ZSWIM7: variants seen among roughly 807,000 people sequenced by gnomAD.
The protein encoded by ZSWIM7 is zinc finger SWIM-type containing 7, also known as zinc finger SWIM domain-containing protein 7.
A neutral mutation model predicts 21.1 loss-of-function variants in ZSWIM7; 22 were observed. That is an observed-to-expected ratio of 1.04 (90% confidence interval 0.74 to 1.49). The LOEUF (loss-of-function observed/expected upper bound fraction) is 1.49, where lower values mean the gene tolerates loss of function less well. ZSWIM7 is among the 40% of genes most tolerant of loss of function. The pLI is 0.00. For synonymous variants in ZSWIM7, 67 were observed against 66.5 expected, an observed-to-expected ratio of 1.01 and a Z score of -0.04; for missense variants, 193 against 168.0, an observed-to-expected ratio of 1.15 and a Z score of -0.82.
intron 3 of ZSWIM7, 59 bp from the exon 4 acceptor site, chr17:15,981,203 C>G: frequency 7.8e-7 from 1 of 1,281,718 alleles, no homozygotes; most frequent in Non-Finnish European, 1.1e-6. Context: ...CCACCTCTTT[C>G]CCTTTTTATT....
intron 4 of ZSWIM7, chr17:15,980,463 CATT>C (rs1225243730): frequency 6.6e-6 from 1 of 152,416 alleles, no homozygotes; most frequent in Non-Finnish European, 1.5e-5. Context: ...GAGTGGACAT[CATT>C]ATTTTCTTCT....
chr17:15,980,945 A>T, intron 4 of ZSWIM7, 95 bp downstream of exon 4: 1 of 876,414 alleles, frequency 1.1e-6, no homozygotes, highest in Admixed American at 2.7e-5. Context: ...TCAACATATA[A>T]TAAGATTCCC....
At chr17:15,993,160 G>T (rs1398389776) in intron 2 of ZSWIM7, among the ~76,000 whole-genome samples, 1 of 151,980 alleles carries the variant, frequency 6.6e-6, no homozygotes, top group Non-Finnish European at 1.5e-5. Context: ...TTGCAGGTGT[G>T]AGCCACGGTG....
intron 1 of ZSWIM7, among the ~76,000 whole-genome samples, chr17:15,998,433 G>A (rs1030223707): frequency 6.6e-6 from 1 of 152,140 alleles, no homozygotes; most frequent in Non-Finnish European, 1.5e-5. Context: ...TCAAAATGCA[G>A]TACAGTACTT....
intron 2 of ZSWIM7, among the ~76,000 whole-genome samples, chr17:15,992,486 C>T (rs1970499228): frequency 7.1e-6 from 1 of 140,544 alleles, no homozygotes; most frequent in African/African-American, 2.7e-5. Context: ...ATTGCCCAGG[C>T]TGGAGTGCAA....
chr17:15,999,563 T>A lies in ZSWIM7; in HGVS notation c.32A>T (p.Glu11Val). 1 of 1,590,220 alleles carries A rather than the reference T, an allele frequency of 6.3e-7. No individual in the cohort carries two copies. Among genetic ancestry groups the A allele is most frequent in the Non-Finnish European group, 8.6e-7 (1 of 1,168,166 alleles). ...CGCCGCCGCCATCTCGCTCAGGAGC[T>A]CCTCCACAACCGCCGGCAACACTAC... The part of the protein sequence containing the change: MAVVLPAVVE[E>V]LLSEMAAAVQ... Residue 11 changes from glutamate to valine, a missense_variant, in exon 1 of 5, where the codon GAG (glutamate) becomes GTG (valine). Coordinates refer to ENST00000399277, the MANE Select transcript of ZSWIM7 (RefSeq NM_001042697.2).
chr17:15,987,160 A>T, intron 3 of ZSWIM7, 106 bp downstream of exon 3: 2 of 877,996 alleles, frequency 2.3e-6, no homozygotes, highest in Non-Finnish European at 1.6e-6. Flanking sequence ...AAAGCCTTTT[A>T]ACAGTCCAGG....
intron 1 of ZSWIM7, 56 bp downstream of exon 1, chr17:15,999,463 G>T: frequency 6.3e-7 from 1 of 1,580,602 alleles, no homozygotes. Context: ...GCCCGGCGGT[G>T]CCCGGATGCC....
chr17:15,995,050 A>G (rs192137464), intron 1 of ZSWIM7, among the ~76,000 whole-genome samples: 2 of 152,338 alleles, frequency 1.3e-5, no homozygotes, highest in East Asian at 3.9e-4. Flanking sequence ...TATTACTAAT[A>G]TTTTATCATC....
chr17:15,992,605 A>G (rs1358034469), intron 2 of ZSWIM7, among the ~76,000 whole-genome samples: 1 of 151,782 alleles, frequency 6.6e-6, no homozygotes, highest in East Asian at 2.0e-4. Flanking sequence ...ATGCTTGGCT[A>G]ATTTTGTATT....
At chr17:15,987,672 G>A (rs1022455955) in intron 2 of ZSWIM7, among the ~76,000 whole-genome samples, 12 of 151,856 alleles carry the variant, frequency 7.9e-5, no homozygotes, top group African/African-American at 2.7e-4. Flanking sequence ...GTGCAATGGC[G>A]CAATCTTGGC....
chr17:15,999,692 G>A lies in ZSWIM7; in HGVS notation c.-98C>T, dbSNP rs781214784. ...GGATCCTGACCCCCCGCCGGGGCAG[G>A]GCGAGACGGAGTGACGTCGGGGCGC... On this transcript the variant is annotated 5_prime_UTR_variant, in exon 1 of 5. Transcript: ENST00000399277. 4 of 1,556,740 alleles carry A rather than the reference G, an allele frequency of 2.6e-6. No individual in the cohort carries two copies. Among genetic ancestry groups the A allele is most frequent in the South Asian group, 2.4e-5 (2 of 84,878 alleles).
At chr17:15,998,450 CAAAAGCCATCCAAGTTG>C (rs1384488680) in intron 1 of ZSWIM7, among the ~76,000 whole-genome samples, 1 of 152,192 alleles carries the variant, frequency 6.6e-6, no homozygotes, top group Non-Finnish European at 1.5e-5. Flanking sequence ...ACTTTTAAAA[CAAAAGCCATCCAAGTTG>C]AATAAGCGAT....
chr17:15,995,189 A>T (rs925168022), intron 1 of ZSWIM7, among the ~76,000 whole-genome samples: 2 of 152,198 alleles, frequency 1.3e-5, no homozygotes, highest in Non-Finnish European at 2.9e-5. Flanking sequence ...AGTTTCAGTT[A>T]CTTGGGAAGC....
In ZSWIM7 at chr17:15,999,627, G is replaced by A. The variant is rs771857833; in HGVS notation, c.-33C>T. ...CAGGACACGCCCTCCACGACCGGCGGACCGCCGCGACGCTCCAGCTGACTG... is the reference window on the plus strand; with the variant it reads ...CAGGACACGCCCTCCACGACCGGCGAACCGCCGCGACGCTCCAGCTGACTG... On this transcript the variant is annotated 5_prime_UTR_variant, in exon 1 of 5. Transcript: ENST00000399277. 20 of 1,565,090 alleles carry A rather than the reference G, an allele frequency of 1.3e-5. No individual in the cohort carries two copies. The highest frequency in any genetic ancestry group is 1.7e-5 in the Non-Finnish European group (20 of 1,156,410).
intron 4 of ZSWIM7, among the ~76,000 whole-genome samples, chr17:15,978,804 A>G (rs143793614): frequency 1.3e-5 from 2 of 152,226 alleles, no homozygotes; most frequent in East Asian, 3.9e-4. Context: ...TGCCTTCAGA[A>G]AGCTGTCACA....
Position 15,984,493 on chromosome 17 carries a change from T to C in ZSWIM7, c.201+2773A>G, listed in dbSNP as rs568441865. The stretch of plus-strand genomic sequence containing the variant: ...CTGACAGAACTTGTAGGAACCTCAC[T>C]TGGAGGTGGTTTCTACTGTGGTTCT... On this transcript the variant is annotated intron_variant, in intron 3 of 4. Coordinates refer to ENST00000399277, the MANE Select transcript of ZSWIM7 (RefSeq NM_001042697.2). 4.6e-5 allele frequency among the ~76,000 whole-genome samples: 7 copies of C among 152,288 alleles called. No homozygotes were observed. The East Asian group carries it at 1.4e-3, about 29-fold the overall frequency.
intron 3 of ZSWIM7, among the ~76,000 whole-genome samples, chr17:15,982,377 T>C (rs1304851261): frequency 6.6e-6 from 1 of 152,218 alleles, no homozygotes; most frequent in Non-Finnish European, 1.5e-5. Flanking sequence ...GATTTTATAA[T>C]GAACTGCCAC....
At chr17:15,982,926 T>G (rs1342642558) in intron 3 of ZSWIM7, among the ~76,000 whole-genome samples, 3 of 152,192 alleles carry the variant, frequency 2.0e-5, no homozygotes, top group Non-Finnish European at 4.4e-5. Flanking sequence ...GCACTGGGAT[T>G]ACAGGCATGA....
Sources: allele counts gnomAD v4.1 joint callset (sites outside exome capture counted in the v4.1 genomes callset), GRCh38; gene constraint gnomAD v4.1.1; transcripts MANE v1.5; gene names NCBI Gene and HGNC (gene_info 2026-07-23, HGNC 2026-07-21).